Variants in COL4A4 observed in about 807,000 individuals in gnomAD.
COL4A4 encodes collagen alpha-4(IV) chain.
A neutral mutation model predicts 192.9 loss-of-function variants in COL4A4; 105 were observed. That is an observed-to-expected ratio of 0.54 (90% CI 0.46 to 0.64). The LOEUF (loss-of-function observed/expected upper bound fraction) is 0.64. COL4A4 is among the 30% of genes least tolerant of loss of function. The pLI is 0.00. For synonymous variants in COL4A4, 762 were observed against 769.9 expected (o/e 0.99, Z 0.17); for missense variants, 1,967 against 2,169.3 (o/e 0.91, Z 1.85).
chr2:226,970,893 A>G, the COL4A4 span, among the ~76,000 whole-genome samples: 3 of 152,106 alleles, frequency 2.0e-5, no homozygotes, highest in African/African-American at 4.8e-5. Context: ...ACCTTCGTGG[A>G]CTTTTACTTT....
chr2:227,022,484 A>T (rs138361167), intron 43 of COL4A4: 3 of 588,986 alleles, frequency 5.1e-6, no homozygotes, highest in Non-Finnish European at 1.0e-5. Context: ...CAACGTGATG[A>T]CCCTCACAGG....
chr2:227,047,555 A>G lies in COL4A4; in HGVS notation c.3215-6T>C. 1 of 1,609,432 alleles carries G rather than the reference A, an allele frequency of 6.2e-7. No individual in the cohort carries two copies. Among genetic ancestry groups the G allele is most frequent in the Non-Finnish European group, 8.5e-7 (1 of 1,175,974 alleles). ...GGCAGGGTCACCTTTGTTTCCTGAA[A>G]GGGATAAAATGCATGTGACATTACT... On this transcript the variant is annotated splice_region_variant and splice_polypyrimidine_tract_variant and intron_variant, in intron 34 of 47. Transcript: ENST00000396625.
intron 1 of COL4A4, among the ~76,000 whole-genome samples, chr2:227,150,020 G>A (rs1239816488): frequency 6.6e-6 from 1 of 152,198 alleles, no homozygotes. Context: ...TAGCGATTTT[G>A]TCTTTTTTTA....
chr2:227,091,178 T>G (rs1439525052), intron 20 of COL4A4, among the ~76,000 whole-genome samples: 1 of 151,610 alleles, frequency 6.6e-6, no homozygotes, highest in Non-Finnish European at 1.5e-5. Context: ...AGGGAGAGTA[T>G]TGCATCCCTG....
At chr2:227,104,314 T>C (rs2150810224) in intron 12 of COL4A4, among the ~76,000 whole-genome samples, 1 of 151,020 alleles carries the variant, frequency 6.6e-6, no homozygotes, top group Non-Finnish European at 1.5e-5. Flanking sequence ...CTCACGCCTG[T>C]AATCCGAGCA....
At chr2:227,146,981 C>T (rs1243535637) in intron 2 of COL4A4, among the ~76,000 whole-genome samples, 2 of 152,278 alleles carry the variant, frequency 1.3e-5, no homozygotes, top group East Asian at 1.9e-4. Context: ...TTAATTACCC[C>T]TTGCCATCTT....
At chr2:227,089,515 C>T (rs2059781739) in intron 21 of COL4A4, among the ~76,000 whole-genome samples, 1 of 149,864 alleles carries the variant, frequency 6.7e-6, no homozygotes. Flanking sequence ...ATCACTGCCA[C>T]TCTCAAGGAA....
chr2:227,040,371 A>G (rs1460356859), intron 37 of COL4A4, among the ~76,000 whole-genome samples: 4 of 152,112 alleles, frequency 2.6e-5, no homozygotes, highest in African/African-American at 7.2e-5. Context: ...TCAGATATTC[A>G]TTCTCCTATT....
chr2:227,136,774 G>A (rs1361270684), intron 4 of COL4A4, among the ~76,000 whole-genome samples: 1 of 152,154 alleles, frequency 6.6e-6, no homozygotes, highest in African/African-American at 2.4e-5. Flanking sequence ...GCTACTACGG[G>A]CATTAACCTG....
chr2:227,068,934 T>C (rs1327772870), intron 25 of COL4A4, among the ~76,000 whole-genome samples: 25 of 150,620 alleles, frequency 1.7e-4, no homozygotes, highest in African/African-American at 5.9e-4. Flanking sequence ...ATTGTCCCTG[T>C]TTGCAGACGA....
rs2061935936 is a variant in COL4A4, at chr2:227,123,783, C to A, written c.193-2635G>T. ...ACGTGTGGGACCCCAAAAGCACGTG[C>A]AAGCTGCCAGCAAAGTCCATCTGTT... On this transcript the variant is annotated intron_variant, in intron 4 of 47. Coordinates refer to ENST00000396625, the MANE Select transcript of COL4A4 (RefSeq NM_000092.5). The surrounding 1 kb of genome is among the most constrained non-coding windows in gnomAD (Gnocchi z 4.6). Among the ~76,000 whole-genome samples, 1 of 152,162 alleles carries A rather than the reference C, an allele frequency of 6.6e-6. No individual in the cohort carries two copies. The highest frequency in any genetic ancestry group is 2.4e-5 in the African/African-American group (1 of 41,426).
Position 227,004,937 on chromosome 2 carries a change from T to C in COL4A4, c.*2388A>G, listed in dbSNP as rs1013548422. The C allele has an allele frequency of 5.9e-5, 9 of 152,234 alleles. No individual in the cohort carries two copies. The highest frequency in any genetic ancestry group is 2.2e-4 in the African/African-American group (9 of 41,460). The allele number at this position is 152,234 out of a possible 1,614,324, so 9.4% of individuals were successfully genotyped here. ...GAGAACAACTTAAAAGCTTTGTTCATCACCTCCACAGAGAAAGGGTAATTG... is the reference window on the plus strand; with the variant it reads ...GAGAACAACTTAAAAGCTTTGTTCACCACCTCCACAGAGAAAGGGTAATTG... On this transcript the variant is annotated 3_prime_UTR_variant, in exon 48 of 48. Transcript: ENST00000396625.
At chr2:227,138,107 G>A (rs1020781842) in intron 4 of COL4A4, among the ~76,000 whole-genome samples, 1 of 149,758 alleles carries the variant, frequency 6.7e-6, no homozygotes, top group Non-Finnish European at 1.5e-5. Flanking sequence ...AACAGCCTGA[G>A]AAACACAGCA....
chr2:227,094,319 A>G, intron 19 of COL4A4, 30 bp from the exon 20 acceptor site: 1 of 1,604,194 alleles, frequency 6.2e-7, no homozygotes, highest in Non-Finnish European at 8.5e-7. Flanking sequence ...TGAAAATTAC[A>G]TATACTCTCA....
At chr2:227,102,935 A>C (rs2060605925) in intron 14 of COL4A4, 87 bp from the exon 15 acceptor site, 3 of 1,177,892 alleles carry the variant, frequency 2.5e-6, no homozygotes, top group Non-Finnish European at 3.8e-6. Context: ...GGGAAAAAAA[A>C]CAAAATGAGA....
chr2:227,060,725 ATT>A (rs11458771), intron 26 of COL4A4, among the ~76,000 whole-genome samples: 67,741 of 138,462 alleles, frequency 0.49, 15,871 homozygotes, highest in South Asian at 0.57. Flanking sequence ...GTAATAGAGA[ATT>A]TTTTTTTTTT....
intron 4 of COL4A4, among the ~76,000 whole-genome samples, chr2:227,139,600 C>G (rs2063056706): frequency 6.6e-6 from 1 of 152,186 alleles, no homozygotes; most frequent in African/African-American, 2.4e-5. Context: ...GGGCTTCAGT[C>G]TCCTGCACTG....
intron 14 of COL4A4, 37 bp from the exon 15 acceptor site, chr2:227,102,885 A>ACAATATTTCAGCAATAGGGAAAG (rs11274738): frequency 1.5e-6 from 2 of 1,374,850 alleles, no homozygotes; most frequent in African/African-American, 2.9e-5. Context: ...GGTTCAAGCA[A>ACAATATTTCAGCAATAGGGAAAG]CAATATTTCA....
intron 21 of COL4A4, among the ~76,000 whole-genome samples, chr2:227,089,115 C>T (rs953525843): frequency 5.3e-5 from 8 of 151,676 alleles, no homozygotes; most frequent in African/African-American, 1.5e-4. Flanking sequence ...ACTGAAGAAA[C>T]GTTAAAAATA....
Sources: gnomAD v4.1 joint callset for allele counts (sites outside exome capture counted in the v4.1 genomes callset) on GRCh38, gnomAD v4.1.1 for gene constraint, Gnocchi (gnomAD v3.1) non-coding constraint, MANE v1.5 for transcripts, NCBI Gene and HGNC (gene_info 2026-07-23, HGNC 2026-07-21) for gene names.